The following MAGI2 variants were observed in gnomAD, a reference collection of about 807,000 sequenced individuals.
The protein encoded by MAGI2 is membrane-associated guanylate kinase, WW and PDZ domain-containing protein 2.
In MAGI2, 35 loss-of-function variants were observed where a neutral mutation model predicts 133.3. The observed-to-expected ratio is 0.26, with a 90% CI of 0.20 to 0.35. MAGI2 has a LOEUF of 0.35. Ranked by LOEUF, MAGI2 falls within the 10% of genes least tolerant of loss-of-function variation. The pLI is 1.00. For missense variants in MAGI2, 1,636 were observed against 1,863.4 expected (o/e 0.88, Z 2.25); for synonymous variants, 729 against 710.6 (o/e 1.03, Z -0.41).
At position 78,440,874 on chromosome 7, in the gene MAGI2, A is replaced by G. The variant is rs1484752380; in HGVS notation, c.1045+48887T>C. 4.6e-5 allele frequency among the ~76,000 whole-genome samples: 7 copies of G among 152,124 alleles called. No homozygotes were observed. The East Asian group carries it at 1.4e-3, about 29-fold the overall frequency. On this transcript the variant is annotated intron_variant, in intron 6 of 21. Coordinates refer to ENST00000354212, the MANE Select transcript of MAGI2 (RefSeq NM_012301.4). ...AGGCTGAGGTGGGAGAATTGCTTGA[A>G]TCTCCGAGTTTGGGGCTACAGTGAG...
chr7:78,452,863 T>C (rs1455162878), intron 6 of MAGI2, among the ~76,000 whole-genome samples: 1 of 152,118 alleles, frequency 6.6e-6, no homozygotes, highest in African/African-American at 2.4e-5. Context: ...TATGTTAGTA[T>C]TTATTAGCAT....
At chr7:78,513,321 A>T (rs1193848178) in intron 4 of MAGI2, among the ~76,000 whole-genome samples, 1 of 152,210 alleles carries the variant, frequency 6.6e-6, no homozygotes, top group Non-Finnish European at 1.5e-5. Flanking sequence ...GGGAAAAAAC[A>T]TCACAATACT....
In MAGI2 at chr7:79,364,908, TA is replaced by T. The variant is rs750922650; in HGVS notation, c.301+88111del. ...AAAATTAATTAGACCTCATCAAAAT[TA>T]AAAAAAAAATACTTTTGCTCTGGTA... On this transcript the variant is annotated intron_variant, in intron 1 of 21. Transcript: ENST00000354212. Among the ~76,000 whole-genome samples the T allele has an allele frequency of 5.8e-3, 723 of 124,128 alleles. 4 individuals are homozygous for T. Among genetic ancestry groups the T allele is most frequent in the African/African-American group, 0.015 (418 of 27,220 alleles). 81.4% of individuals were successfully genotyped at this position (124,128 alleles called of 152,430 possible). A position where few individuals can be genotyped will look rare whatever the true frequency, so the allele number is the denominator to read the frequency against.
intron 9 of MAGI2, among the ~76,000 whole-genome samples, chr7:78,320,903 C>A (rs1318475367): frequency 6.6e-6 from 1 of 152,156 alleles, no homozygotes; most frequent in Non-Finnish European, 1.5e-5. Context: ...TCTCCTTAAG[C>A]TGATAAGCAA....
chr7:79,348,291 G>A (rs751927599), intron 1 of MAGI2, among the ~76,000 whole-genome samples: 2 of 151,834 alleles, frequency 1.3e-5, no homozygotes, highest in Non-Finnish European at 1.5e-5. Flanking sequence ...GAAAATTACA[G>A]TGGTATTTTT....
At chr7:79,144,238 G>A (rs1047075425) in intron 1 of MAGI2, among the ~76,000 whole-genome samples, 8 of 152,168 alleles carry the variant, frequency 5.3e-5, no homozygotes, top group South Asian at 2.1e-4. Flanking sequence ...GGAGAACTGA[G>A]TAAGTTCATA....
chr7:78,083,022 T>C (rs10243813), intron 20 of MAGI2, among the ~76,000 whole-genome samples: 1 of 151,698 alleles, frequency 6.6e-6, no homozygotes, highest in African/African-American at 2.4e-5. Flanking sequence ...CAGCAGGAGG[T>C]GGGGCAAGGG....
At chr7:79,339,412 T>A (rs1006207590) in intron 1 of MAGI2, among the ~76,000 whole-genome samples, 1 of 151,948 alleles carries the variant, frequency 6.6e-6, no homozygotes. Flanking sequence ...GTCAATATTG[T>A]ACCTATAGGT....
chr7:79,169,460 C>A (rs1825303373), intron 1 of MAGI2, among the ~76,000 whole-genome samples: 1 of 152,060 alleles, frequency 6.6e-6, no homozygotes, highest in Non-Finnish European at 1.5e-5. Flanking sequence ...ACCATGAAGA[C>A]TTTAAAGCAG....
intron 1 of MAGI2, among the ~76,000 whole-genome samples, chr7:79,190,808 C>G (rs1277560824): frequency 6.6e-6 from 1 of 151,722 alleles, no homozygotes; most frequent in Admixed American, 6.6e-5. Context: ...ATACACTAGT[C>G]TAATTTTTTT....
At position 78,414,536 on chromosome 7, in the gene MAGI2, T is replaced by C. The variant is rs555123316; in HGVS notation, c.1046-45323A>G. ...TGCTTATTAGTAGGACAAAATTCAATAACTCCTAATTTTAAAAGACCAAGA... is the reference window on the plus strand; with the variant it reads ...TGCTTATTAGTAGGACAAAATTCAACAACTCCTAATTTTAAAAGACCAAGA... On this transcript the variant is annotated intron_variant, in intron 6 of 21. Transcript: ENST00000354212. Among the ~76,000 whole-genome samples the C allele has an allele frequency of 2.0e-5, 3 of 152,120 alleles. No homozygotes were observed. The East Asian group carries it at 5.8e-4, about 29-fold the overall frequency.
intron 2 of MAGI2, among the ~76,000 whole-genome samples, chr7:78,938,178 A>G (rs1800668162): frequency 6.6e-6 from 1 of 152,098 alleles, no homozygotes; most frequent in Non-Finnish European, 1.5e-5. Context: ...TGAAAAAACA[A>G]AATAGACTTG....
intron 1 of MAGI2, among the ~76,000 whole-genome samples, chr7:79,083,088 T>G (rs909337982): frequency 1.6e-4 from 24 of 151,702 alleles, no homozygotes; most frequent in African/African-American, 5.5e-4. Context: ...TGTGTATTCC[T>G]CAGGATTTTC....
chr7:78,553,483 G>T (rs1431083206), intron 3 of MAGI2, among the ~76,000 whole-genome samples: 1 of 152,192 alleles, frequency 6.6e-6, no homozygotes, highest in Non-Finnish European at 1.5e-5. Context: ...TCATTAAAGT[G>T]TTACTGGTGA....
chr7:78,041,338 A>G (rs1317973955), intron 21 of MAGI2, among the ~76,000 whole-genome samples: 1 of 152,150 alleles, frequency 6.6e-6, no homozygotes, highest in Non-Finnish European at 1.5e-5. Flanking sequence ...GAGCTTTGCA[A>G]CCTCTAGTCA....
At chr7:78,040,557 G>A (rs762159173) in intron 21 of MAGI2, among the ~76,000 whole-genome samples, 2 of 152,180 alleles carry the variant, frequency 1.3e-5, no homozygotes, top group African/African-American at 4.8e-5. Context: ...CCTCGACTGG[G>A]AATGAGGGGA....
At chr7:79,136,065 GAAGGAAAGAAA>G (rs1562929151) in intron 1 of MAGI2, among the ~76,000 whole-genome samples, 35 of 125,714 alleles carry the variant, frequency 2.8e-4, no homozygotes, top group Non-Finnish European at 2.7e-4. Context: ...AAGAAAGAAA[GAAGGAAAGAAA>G]GAAAGAAAGA....
intron 1 of MAGI2, among the ~76,000 whole-genome samples, chr7:79,249,374 T>C (rs999615406): frequency 2.1e-5 from 3 of 145,340 alleles, no homozygotes; most frequent in Non-Finnish European, 4.6e-5. Flanking sequence ...AAAGATAAAA[T>C]CAACAAAATT....
chr7:79,211,744 T>C (rs1478157326), intron 1 of MAGI2, among the ~76,000 whole-genome samples: 2 of 152,110 alleles, frequency 1.3e-5, no homozygotes, highest in Non-Finnish European at 2.9e-5. Flanking sequence ...AGATAATTAA[T>C]TTTGTAAAAT....
Sources: gnomAD v4.1 joint callset for allele counts (sites outside exome capture counted in the v4.1 genomes callset) on GRCh38, gnomAD v4.1.1 for gene constraint, MANE v1.5 for transcripts, NCBI Gene and HGNC (gene_info 2026-07-23, HGNC 2026-07-21) for gene names.